COL19A1: variants seen among roughly 807,000 people sequenced by gnomAD.
COL19A1 encodes the protein collagen type XIX alpha 1 chain.
A neutral mutation model predicts 190.2 loss-of-function variants in COL19A1; 159 were observed. The observed-to-expected ratio is 0.84, with a 90% CI of 0.73 to 0.95. The LOEUF (loss-of-function observed/expected upper bound fraction) is 0.95. COL19A1 is among the 40% of genes least tolerant of loss of function. The pLI, the probability that COL19A1 is intolerant of heterozygous loss-of-function variation, is 0.00. For missense variants in COL19A1, 1,418 were observed against 1,431.9 expected (o/e 0.99, Z 0.16); for synonymous variants, 509 against 458.9 (o/e 1.11, Z -1.39).
chr6:69,990,148 G>T (rs536729172), intron 11 of COL19A1, among the ~76,000 whole-genome samples: 3 of 152,066 alleles, frequency 2.0e-5, no homozygotes, highest in Non-Finnish European at 4.4e-5. Flanking sequence ...AAACACAAAA[G>T]TGTGCAGAAT....
chr6:70,113,568 T>C (rs1340417018), intron 16 of COL19A1, among the ~76,000 whole-genome samples: 1 of 152,196 alleles, frequency 6.6e-6, no homozygotes, highest in African/African-American at 2.4e-5. Context: ...ATTTTTTCTT[T>C]TCTTCCACCA....
chr6:70,184,836 A>C, intron 45 of COL19A1, 35 bp from the exon 46 acceptor site: 1 of 1,611,514 alleles, frequency 6.2e-7, no homozygotes, highest in South Asian at 1.1e-5. Context: ...AAATCTTGGC[A>C]AGGAGTGATT....
At chr6:70,096,082 C>CTTTT (rs1783243825) in intron 15 of COL19A1, among the ~76,000 whole-genome samples, 3 of 106,638 alleles carry the variant, frequency 2.8e-5, no homozygotes, top group Non-Finnish European at 1.8e-5. Flanking sequence ...TACGGTAACT[C>CTTTT]TATTTTTTTT....
At chr6:70,153,616 GA>G (rs2150249140) in intron 31 of COL19A1, among the ~76,000 whole-genome samples, 1 of 152,134 alleles carries the variant, frequency 6.6e-6, no homozygotes, top group South Asian at 2.1e-4. Flanking sequence ...ACAGTCTATT[GA>G]ATAATCTATT....
intron 31 of COL19A1, among the ~76,000 whole-genome samples, chr6:70,155,872 T>C (rs1259848292): frequency 1.3e-5 from 2 of 152,168 alleles, no homozygotes; most frequent in Non-Finnish European, 2.9e-5. Context: ...TCTATTTAAG[T>C]GTCATTGGAG....
intron 4 of COL19A1, among the ~76,000 whole-genome samples, chr6:69,919,063 A>G (rs1001024991): frequency 6.6e-6 from 1 of 151,982 alleles, no homozygotes; most frequent in Non-Finnish European, 1.5e-5. Flanking sequence ...TTTCCTCCCA[A>G]ACTCCCACTG....
At position 70,168,176 on chromosome 6, in the gene COL19A1, T is replaced by A; in HGVS notation, c.2502T>A (p.Gly834=). 6.2e-7 allele frequency: 1 copy of A among 1,613,146 alleles called. No individual in the cohort carries two copies. The highest frequency in any genetic ancestry group is 8.5e-7 in the Non-Finnish European group (1 of 1,179,546). Residue 834 remains glycine (G), a synonymous_variant, in exon 39 of 51, where the codon GGT becomes GGA. Coordinates refer to ENST00000620364, the MANE Select transcript of COL19A1 (RefSeq NM_001858.6). ...CTTTTCATTTTCTTTTGAAGGGAGGTGTGAATGTTCCCAGTTACCCAGGGC... is the reference window on the plus strand; with the variant it reads ...CTTTTCATTTTCTTTTGAAGGGAGGAGTGAATGTTCCCAGTTACCCAGGGC... ...GMSSLYKIKG[G]VNVPSYPGPP...
At position 70,158,180 on chromosome 6, in the gene COL19A1, A is replaced by G. The variant is rs916364098; in HGVS notation, c.2292+1457A>G. On this transcript the variant is annotated intron_variant, in intron 34 of 50. Coordinates refer to ENST00000620364, the MANE Select transcript of COL19A1 (RefSeq NM_001858.6). Reference sequence around the variant, plus strand: ...TGACTCCTTTAGGCCTTGTAGGGGGAATAAGGTGGTGCAGCTTTTTCTTTA... The same window carrying G: ...TGACTCCTTTAGGCCTTGTAGGGGGGATAAGGTGGTGCAGCTTTTTCTTTA... Among the ~76,000 whole-genome samples the G allele has an allele frequency of 3.9e-5, 6 of 152,056 alleles. No homozygotes were observed. In the South Asian group the frequency reaches 1.0e-3, roughly 26 times the overall value.
At chr6:69,940,571 CTT>C (rs1773405547) in intron 9 of COL19A1, among the ~76,000 whole-genome samples, 1 of 152,122 alleles carries the variant, frequency 6.6e-6, no homozygotes, top group African/African-American at 2.4e-5. Flanking sequence ...CATTATATGA[CTT>C]CTCATCTGCA....
At chr6:69,955,873 A>T (rs1289801012) in intron 9 of COL19A1, among the ~76,000 whole-genome samples, 1 of 152,030 alleles carries the variant, frequency 6.6e-6, no homozygotes, top group Non-Finnish European at 1.5e-5. Context: ...GGGAAGGTTA[A>T]TTTGGGTTCA....
chr6:69,976,784 C>A (rs1462245548), intron 11 of COL19A1, among the ~76,000 whole-genome samples: 1 of 152,120 alleles, frequency 6.6e-6, no homozygotes, highest in African/African-American at 2.4e-5. Flanking sequence ...TTAAAAAATT[C>A]CTGAGTCATA....
chr6:70,020,934 A>G (rs1266498302), intron 11 of COL19A1, among the ~76,000 whole-genome samples: 1 of 152,124 alleles, frequency 6.6e-6, no homozygotes, highest in African/African-American at 2.4e-5. Context: ...AATATTTTCC[A>G]GCCTATATTT....
At chr6:70,144,827 A>G in intron 24 of COL19A1, 91 bp from the exon 25 acceptor site, 1 of 785,400 alleles carries the variant, frequency 1.3e-6, no homozygotes, top group South Asian at 1.6e-5. Flanking sequence ...ACTGGCTATG[A>G]TGACAACTTA....
intron 17 of COL19A1, among the ~76,000 whole-genome samples, chr6:70,123,964 A>G (rs1432148610): frequency 2.0e-5 from 3 of 150,428 alleles, no homozygotes; most frequent in African/African-American, 7.3e-5. Context: ...GCATAATAAT[A>G]ATAAATTTAA....
intron 2 of COL19A1, chr6:69,891,035 C>T: frequency 2.7e-6 from 1 of 364,868 alleles, no homozygotes; most frequent in South Asian, 2.3e-5. Flanking sequence ...TCAGAGGCTC[C>T]AGTTGCATGA....
At chr6:70,167,707 A>G (rs1005777389) in intron 37 of COL19A1, among the ~76,000 whole-genome samples, 4 of 152,228 alleles carry the variant, frequency 2.6e-5, no homozygotes, top group African/African-American at 9.6e-5. Context: ...CAGAAACTGA[A>G]TTTTAATGAG....
intron 11 of COL19A1, among the ~76,000 whole-genome samples, chr6:70,006,237 G>A (rs1777618513): frequency 6.6e-6 from 1 of 152,212 alleles, no homozygotes; most frequent in Non-Finnish European, 1.5e-5. Context: ...CTGAGAGCCT[G>A]TTGAGAATCT....
At chr6:69,936,065 TGA>T (rs539164879) in intron 7 of COL19A1, among the ~76,000 whole-genome samples, 86 of 152,240 alleles carry the variant, frequency 5.6e-4, no homozygotes, top group Non-Finnish European at 1.0e-3. Flanking sequence ...AAAACTATGG[TGA>T]GAAGTCTGGT....
chr6:70,122,697 T>A (rs768106898), intron 17 of COL19A1, among the ~76,000 whole-genome samples: 1 of 152,214 alleles, frequency 6.6e-6, no homozygotes, highest in Non-Finnish European at 1.5e-5. Context: ...CTTCCCTTTA[T>A]GTCTTTCTTT....
Sources: gnomAD v4.1 joint callset for allele counts (sites outside exome capture counted in the v4.1 genomes callset) on GRCh38, gnomAD v4.1.1 for gene constraint, MANE v1.5 for transcripts, NCBI Gene and HGNC (gene_info 2026-07-23, HGNC 2026-07-21) for gene names.